PKHD1: variants seen among roughly 807,000 people sequenced by gnomAD.
PKHD1 encodes the protein PKHD1 ciliary IPT domain containing fibrocystin/polyductin, also known as fibrocystin.
Under a neutral mutation model 412.0 loss-of-function variants are expected in PKHD1, and 291 were observed. That is an observed-to-expected ratio of 0.71 (90% CI 0.64 to 0.78). PKHD1 has a LOEUF of 0.78. Among genes scored for constraint, PKHD1 ranks in the 30% least tolerant of loss-of-function variants. PKHD1 has a pLI of 0.00. For missense variants in PKHD1, 4,825 were observed against 4,950.7 expected, an observed-to-expected ratio of 0.97 and a Z score of 0.76; for synonymous variants, 1,777 against 1,821.5, an observed-to-expected ratio of 0.98 and a Z score of 0.62.
intron 53 of PKHD1, among the ~76,000 whole-genome samples, chr6:51,776,876 A>G (rs1791108487): frequency 6.6e-6 from 1 of 152,092 alleles, no homozygotes; most frequent in Non-Finnish European, 1.5e-5. Flanking sequence ...TTGGTATGAA[A>G]ATTCATACTT....
chr6:51,836,712 A>G (rs1769291504), intron 50 of PKHD1, among the ~76,000 whole-genome samples: 1 of 152,222 alleles, frequency 6.6e-6, no homozygotes, highest in South Asian at 2.1e-4. Flanking sequence ...AATAATTAGG[A>G]GAAACAAAAA....
In PKHD1 at chr6:51,748,192, T is replaced by A; in HGVS notation, c.9424A>T (p.Thr3142Ser). The change falls in exon 58 of 67, where the codon ACC (threonine) becomes TCC (serine). Residue 3142 changes from threonine to serine, a missense_variant. Physicochemically the swap from Thr to Ser is moderately conservative, Grantham distance 58 (BLOSUM62 1). Coordinates refer to ENST00000371117, the MANE Select transcript of PKHD1 (RefSeq NM_138694.4). ...LYKESGLDNC[T>S]RISGFLAFKN... is the part of the protein sequence containing the mutation. ...AAAGCCAAGAAGCCAGAGATTCTGG[T>A]ACAGTTGTCAAGTCCACTTTCCTTA... 6.2e-7 allele frequency: 1 copy of A among 1,614,086 alleles called. No individual in the cohort carries two copies. The highest frequency in any genetic ancestry group is 8.5e-7 in the Non-Finnish European group (1 of 1,179,974).
At chr6:51,643,589 G>A (rs114179311) in intron 63 of PKHD1, among the ~76,000 whole-genome samples, 4 of 152,260 alleles carry the variant, frequency 2.6e-5, no homozygotes, top group Non-Finnish European at 5.9e-5. Context: ...AGGGTACTGA[G>A]GAGAGCAAGA....
At chr6:51,827,670 T>C (rs1169971191) in intron 52 of PKHD1, among the ~76,000 whole-genome samples, 1 of 152,178 alleles carries the variant, frequency 6.6e-6, no homozygotes, top group Non-Finnish European at 1.5e-5. Context: ...ACATTCAGTA[T>C]TTATTATGGC....
chr6:51,648,969 T>C (rs1770499597), intron 62 of PKHD1, 116 bp downstream of exon 62: 2 of 983,432 alleles, frequency 2.0e-6, no homozygotes, highest in Admixed American at 1.7e-5. Context: ...GTGCAACAAA[T>C]TGCACCCAGT....
intron 28 of PKHD1, among the ~76,000 whole-genome samples, chr6:52,034,704 C>G (rs1376514753): frequency 6.6e-6 from 1 of 152,040 alleles, no homozygotes; most frequent in East Asian, 1.9e-4. Flanking sequence ...ATGATTAAAG[C>G]CCTGTTGTTT....
In PKHD1 at chr6:52,051,704, G is replaced by A. The variant is rs1288703759; in HGVS notation, c.2140+1372C>T. On this transcript the variant is annotated intron_variant, in intron 21 of 66. Transcript: ENST00000371117. Reference sequence around the variant, plus strand: ...AGAATGGCATTAAAGGGAGAGAAAAGAAAACTGAACAGCACCTATTATCCA... The same window carrying A: ...AGAATGGCATTAAAGGGAGAGAAAAAAAAACTGAACAGCACCTATTATCCA... Among the ~76,000 whole-genome samples, 4 of 152,184 alleles carry A rather than the reference G, an allele frequency of 2.6e-5. No individual in the cohort carries two copies. The East Asian group carries it at 7.7e-4, about 29-fold the overall frequency.
intron 36 of PKHD1, among the ~76,000 whole-genome samples, chr6:51,939,130 A>C (rs1437822960): frequency 6.6e-6 from 1 of 151,328 alleles, no homozygotes; most frequent in Non-Finnish European, 1.5e-5. Context: ...CACCCTTAGC[A>C]GCAAGTACTG....
chr6:51,886,660 G>A (rs1778266144), intron 44 of PKHD1, among the ~76,000 whole-genome samples: 1 of 152,140 alleles, frequency 6.6e-6, no homozygotes, highest in Non-Finnish European at 1.5e-5. Context: ...AAAATGGGAA[G>A]TATTAGTCAA....
At chr6:51,747,643 T>C (rs936182541) in intron 58 of PKHD1, 144 bp downstream of exon 58, 1 of 690,048 alleles carries the variant, frequency 1.4e-6, no homozygotes, top group Non-Finnish European at 2.6e-6. Context: ...TAAACTACCA[T>C]TGTGGCTATC....
chr6:51,740,159 A>C (rs1784391488), intron 60 of PKHD1: 1 of 387,882 alleles, frequency 2.6e-6, no homozygotes, highest in Non-Finnish European at 5.2e-6. Context: ...ACATTTTTCC[A>C]AGTTGGCTGC....
chr6:52,086,529 A>G (rs1444047613), intron 1 of PKHD1, among the ~76,000 whole-genome samples: 1 of 152,238 alleles, frequency 6.6e-6, no homozygotes, highest in Non-Finnish European at 1.5e-5. Context: ...AAAACTTTGC[A>G]ATAAACTCAC....
At chr6:51,829,180 T>C (rs1767829763) in intron 52 of PKHD1, among the ~76,000 whole-genome samples, 1 of 152,052 alleles carries the variant, frequency 6.6e-6, no homozygotes, top group African/African-American at 2.4e-5. Context: ...CACCCAGCAT[T>C]GATTTGTGCT....
chr6:51,662,947 A>G (rs1773104285), intron 60 of PKHD1, among the ~76,000 whole-genome samples: 1 of 152,090 alleles, frequency 6.6e-6, no homozygotes, highest in East Asian at 1.9e-4. Context: ...TCAAATTTAA[A>G]GGAATAGTCT....
chr6:52,076,426 G>T, intron 5 of PKHD1, 93 bp from the exon 6 acceptor site: 1 of 870,606 alleles, frequency 1.1e-6, no homozygotes, highest in Non-Finnish European at 2.0e-6. Flanking sequence ...ATTACTTGAA[G>T]GTAATAAATG....
intron 50 of PKHD1, among the ~76,000 whole-genome samples, chr6:51,844,558 G>A (rs553793395): frequency 1.3e-5 from 2 of 152,324 alleles, no homozygotes; most frequent in South Asian, 4.1e-4. Context: ...GAGAGCCACA[G>A]CCAGGAGCTA....
Position 52,055,607 on chromosome 6 carries a change from G to C in PKHD1, c.1816C>G (p.Arg606Gly). 1 of 1,613,956 alleles carries C rather than the reference G, an allele frequency of 6.2e-7. No homozygotes were observed. The highest frequency in any genetic ancestry group is 8.5e-7 in the Non-Finnish European group (1 of 1,179,904). The change falls in exon 19 of 67, where the codon CGG becomes GGG. Residue 606 changes from arginine to glycine, a missense_variant. Coordinates refer to ENST00000371117, the MANE Select transcript of PKHD1 (RefSeq NM_138694.4). ...LTPPAAQKGY[R>G]LDQYTHLCLA... The stretch of plus-strand genomic sequence containing the variant: ...CTCACGTGTGTATACTGATCTAGCC[G>C]ATAGCCCTTCTGGGCAGCCGGGGGA...
intron 53 of PKHD1, among the ~76,000 whole-genome samples, chr6:51,785,974 C>T (rs1792788279): frequency 6.6e-6 from 1 of 152,090 alleles, no homozygotes; most frequent in African/African-American, 2.4e-5. Context: ...ACTTAACAAA[C>T]CAATGTATAA....
intron 60 of PKHD1, among the ~76,000 whole-genome samples, chr6:51,667,668 T>G (rs1774067664): frequency 1.3e-5 from 2 of 151,054 alleles, no homozygotes; most frequent in Non-Finnish European, 3.0e-5. Flanking sequence ...CTAGGGTTTT[T>G]ATGGTTTTAG....
Sources: gnomAD v4.1 joint callset for allele counts (sites outside exome capture counted in the v4.1 genomes callset) on GRCh38, gnomAD v4.1.1 for gene constraint, MANE v1.5 for transcripts, NCBI Gene and HGNC (gene_info 2026-07-23, HGNC 2026-07-21) for gene names.